Variants in AMBRA1 observed in about 807,000 individuals in gnomAD.
The protein encoded by AMBRA1 is activating molecule in BECN1-regulated autophagy protein 1.
A neutral mutation model predicts 125.4 loss-of-function variants in AMBRA1; 47 were observed. The ratio of observed to expected loss-of-function variants is 0.37; its 90% CI spans 0.30 to 0.48. The LOEUF is 0.48. Ranked by LOEUF, AMBRA1 falls within the 20% of genes least tolerant of loss-of-function variation. AMBRA1 has a pLI of 0.99. For synonymous variants in AMBRA1, 626 were observed against 655.5 expected, an observed-to-expected ratio of 0.95 and a Z score of 0.69; for missense variants, 1,331 against 1,693.4, an observed-to-expected ratio of 0.79 and a Z score of 3.76.
At chr11:46,564,789 T>C (rs768087178) in intron 1 of AMBRA1, among the ~76,000 whole-genome samples, 2 of 152,244 alleles carry the variant, frequency 1.3e-5, no homozygotes, top group Non-Finnish European at 2.9e-5. Context: ...AGGTTAACTA[T>C]TATTTGCCTC....
Position 46,417,954 on chromosome 11 carries a change from G to C in AMBRA1, c.3075C>G (p.Ala1025=), listed in dbSNP as rs1263524520. The part of the protein sequence containing the change: ...RWLPEPGLGL[A]YGTNKGDLVI... The stretch of plus-strand genomic sequence containing the variant: ...CCAGGTCTCCTTTGTTAGTACCATA[G>C]GCCAAGCCAAGCCCTGGCTCAGGCA... Residue 1025 remains alanine (A), a synonymous_variant, in exon 15 of 18, where the codon GCC becomes GCG. Transcript: ENST00000683756. 1.9e-6 allele frequency: 3 copies of C among 1,610,880 alleles called. No homozygotes were observed. Among genetic ancestry groups the C allele is most frequent in the African/African-American group, 2.7e-5 (2 of 74,812 alleles).
rs180784903 is a variant in AMBRA1 at position 46,563,669 on chromosome 11, G to A, written c.-120-15169C>T. ...AGCCTGGCCAATGTAGTGAAACCCCGTCTCTACTAAAAATATGAAAATTAG... is the reference window on the plus strand; with the variant it reads ...AGCCTGGCCAATGTAGTGAAACCCCATCTCTACTAAAAATATGAAAATTAG... On this transcript the variant is annotated intron_variant, in intron 1 of 17. Transcript: ENST00000683756. 2.3e-4 allele frequency among the ~76,000 whole-genome samples: 35 copies of A among 152,008 alleles called. No individual in the cohort carries two copies. In the East Asian group the frequency reaches 6.2e-3, roughly 27 times the overall value.
chr11:46,412,901 C>A (rs1042491385), intron 15 of AMBRA1, among the ~76,000 whole-genome samples: 33 of 152,204 alleles, frequency 2.2e-4, no homozygotes, highest in African/African-American at 7.7e-4. Flanking sequence ...CTATGTGAAG[C>A]TGGCTGCCAG....
At chr11:46,412,614 T>G (rs577404188) in intron 15 of AMBRA1, among the ~76,000 whole-genome samples, 10 of 151,380 alleles carry the variant, frequency 6.6e-5, no homozygotes, top group South Asian at 6.3e-4. Context: ...ATTTTCACTG[T>G]TTTTTTTTCC....
chr11:46,581,583 G>T (rs1420952380), intron 1 of AMBRA1, among the ~76,000 whole-genome samples: 1 of 151,996 alleles, frequency 6.6e-6, no homozygotes, highest in Admixed American at 6.6e-5. Context: ...TCCTGCCTGG[G>T]TGACAGTGCG....
chr11:46,415,684 A>C (rs1200353063), intron 15 of AMBRA1, among the ~76,000 whole-genome samples: 1 of 152,224 alleles, frequency 6.6e-6, no homozygotes, highest in African/African-American at 2.4e-5. Flanking sequence ...AGCAACCAAA[A>C]AAGATGGGCT....
chr11:46,494,484 T>C (rs1950566241), intron 9 of AMBRA1: 2 of 330,226 alleles, frequency 6.1e-6, no homozygotes, highest in Non-Finnish European at 5.7e-6. Flanking sequence ...AAGCCACATT[T>C]AGATCTTAGG....
intron 7 of AMBRA1, among the ~76,000 whole-genome samples, chr11:46,540,407 A>G (rs1952681654): frequency 6.6e-6 from 1 of 152,208 alleles, no homozygotes; most frequent in South Asian, 2.1e-4. Context: ...GAGGAAGAAC[A>G]GAGGCTCGGG....
chr11:46,409,563 T>G (rs571429668), intron 16 of AMBRA1, among the ~76,000 whole-genome samples: 1 of 152,318 alleles, frequency 6.6e-6, no homozygotes, highest in South Asian at 2.1e-4. Context: ...AACAGACCCT[T>G]GCAGGTAGGG....
At chr11:46,571,726 TC>T (rs1473460801) in intron 1 of AMBRA1, among the ~76,000 whole-genome samples, 3 of 174 alleles carry the variant, frequency 0.017, no homozygotes, top group African/African-American at 0.05. Flanking sequence ...TGTCCCTCTG[TC>T]GCCCCAGGCT....
chr11:46,470,588 C>CAAA lies in AMBRA1; in HGVS notation c.2521+23017_2521+23019dup, dbSNP rs766521795. 5.3e-3 allele frequency among the ~76,000 whole-genome samples: 283 copies of CAAA among 53,342 alleles called. 5 individuals carry two copies. The highest frequency in any genetic ancestry group is 0.012 in the African/African-American group (167 of 14,094). The allele number at this position is 53,342 out of a possible 152,430, so 35.0% of individuals were successfully genotyped here. On this transcript the variant is annotated intron_variant, in intron 11 of 17. Coordinates refer to ENST00000683756, the MANE Select transcript of AMBRA1 (RefSeq NM_001387011.1). ...TGGGCGACAGAGTGAGACTCCGTCTCAAAAAAAAAAAAAAAAAAAAAAAAT... is the reference window on the plus strand; with the variant it reads ...TGGGCGACAGAGTGAGACTCCGTCTCAAAAAAAAAAAAAAAAAAAAAAAAAAAT...
intron 7 of AMBRA1, among the ~76,000 whole-genome samples, chr11:46,523,747 G>A (rs1951854275): frequency 1.3e-5 from 2 of 152,174 alleles, no homozygotes; most frequent in Admixed American, 6.6e-5. Context: ...GACAGAAGAG[G>A]AGAGAAGCAA....
chr11:46,430,370 A>G (rs1947395502), intron 14 of AMBRA1, among the ~76,000 whole-genome samples: 1 of 152,212 alleles, frequency 6.6e-6, no homozygotes, highest in Admixed American at 6.5e-5. Context: ...GAGGAGGCTG[A>G]GGGCAGACAC....
In AMBRA1 at chr11:46,431,646, T is replaced by A. The variant is rs367860213; in HGVS notation, c.2976+1828A>T. ...ACCAACATCAGATTCTGTCTCTTAA[T>A]GATTTAAACGATTATTCCACAATTA... On this transcript the variant is annotated intron_variant, in intron 14 of 17. Transcript: ENST00000683756. Among the ~76,000 whole-genome samples, 21 of 152,358 alleles carry A rather than the reference T, an allele frequency of 1.4e-4. No individual in the cohort carries two copies. In the East Asian group the frequency reaches 3.5e-3, roughly 25 times the overall value.
intron 1 of AMBRA1, among the ~76,000 whole-genome samples, chr11:46,590,936 A>G (rs2044574931): frequency 6.6e-6 from 1 of 151,958 alleles, no homozygotes. Context: ...AAGAAAAACA[A>G]AAAGAAAAAA....
intron 11 of AMBRA1, among the ~76,000 whole-genome samples, chr11:46,470,320 G>A (rs976122992): frequency 1.3e-5 from 2 of 152,084 alleles, no homozygotes; most frequent in Non-Finnish European, 2.9e-5. Flanking sequence ...CGGGCGCGGT[G>A]GCTCACGCCT....
At chr11:46,541,871 A>G (rs750963786) in intron 7 of AMBRA1, 74 bp downstream of exon 7, 7 of 1,563,150 alleles carry the variant, frequency 4.5e-6, no homozygotes, top group Non-Finnish European at 6.0e-6. Flanking sequence ...TACAGCCACA[A>G]CATCTATAGG....
chr11:46,524,888 G>A lies in AMBRA1; in HGVS notation c.2073-12075C>T, dbSNP rs879829094. On this transcript the variant is annotated intron_variant, in intron 7 of 17. Coordinates refer to ENST00000683756, the MANE Select transcript of AMBRA1 (RefSeq NM_001387011.1). ...TGAGAATCACATGCACCCCATCCAC[G>A]TAAACCAACAAGAACAGTCAGGTAT... 5.9e-5 allele frequency among the ~76,000 whole-genome samples: 9 copies of A among 152,244 alleles called. No homozygotes were observed. In the South Asian group the frequency reaches 6.2e-4, roughly 11 times the overall value.
At chr11:46,588,420 T>C (rs771998994) in intron 1 of AMBRA1, among the ~76,000 whole-genome samples, 7 of 152,150 alleles carry the variant, frequency 4.6e-5, no homozygotes, top group East Asian at 1.9e-4. Context: ...AAGTTAACAA[T>C]TGAAGAGTAC....
Sources: allele counts gnomAD v4.1 joint callset (sites outside exome capture counted in the v4.1 genomes callset), GRCh38; gene constraint gnomAD v4.1.1; transcripts MANE v1.5; gene names NCBI Gene and HGNC (gene_info 2026-07-23, HGNC 2026-07-21).